OXR1: variants seen among roughly 807,000 people sequenced by gnomAD.
OXR1 encodes oxidation resistance 1.
A neutral mutation model predicts 104.6 loss-of-function variants in OXR1; 41 were observed. That is an observed-to-expected ratio of 0.39 (90% CI 0.31 to 0.51). The LOEUF is 0.51. OXR1 is among the 20% of genes least tolerant of loss of function. The pLI, the probability that OXR1 is intolerant of heterozygous loss-of-function variation, is 0.77. For synonymous variants in OXR1, 348 were observed against 348.4 expected, an observed-to-expected ratio of 1.00 and a Z score of 0.01; for missense variants, 955 against 1,031.9, an observed-to-expected ratio of 0.93 and a Z score of 1.02.
At chr8:106,529,601 A>G (rs1446929396) in intron 3 of OXR1, among the ~76,000 whole-genome samples, 1 of 152,152 alleles carries the variant, frequency 6.6e-6, no homozygotes, top group Non-Finnish European at 1.5e-5. Flanking sequence ...TAGCATTAGT[A>G]CCTTATTTTA....
intron 3 of OXR1, among the ~76,000 whole-genome samples, chr8:106,591,077 C>A (rs1819040548): frequency 6.6e-6 from 1 of 151,528 alleles, no homozygotes; most frequent in Non-Finnish European, 1.5e-5. Flanking sequence ...GAAAATGTGG[C>A]ACATTTACAC....
chr8:106,403,201 A>G (rs1818074329), intron 2 of OXR1, among the ~76,000 whole-genome samples: 1 of 152,234 alleles, frequency 6.6e-6, no homozygotes, highest in African/African-American at 2.4e-5. Context: ...GCTTATACCA[A>G]TGAAGTAAGA....
At chr8:106,328,784 A>G (rs1287952881) in intron 1 of OXR1, among the ~76,000 whole-genome samples, 1 of 152,238 alleles carries the variant, frequency 6.6e-6, no homozygotes, top group Non-Finnish European at 1.5e-5. Context: ...AATGAGTCTC[A>G]GAGATACATC....
chr8:106,367,336 T>G (rs1426106141), intron 2 of OXR1, among the ~76,000 whole-genome samples: 1 of 152,104 alleles, frequency 6.6e-6, no homozygotes, highest in Non-Finnish European at 1.5e-5. Context: ...GTGCTGGGAT[T>G]ACAGACATGA....
intron 1 of OXR1, among the ~76,000 whole-genome samples, chr8:106,325,247 C>T (rs1028358229): frequency 2.6e-5 from 4 of 152,158 alleles, no homozygotes; most frequent in Non-Finnish European, 2.9e-5. Context: ...ATTCTGCTAA[C>T]AGTATAAAGA....
chr8:106,554,636 C>T (rs546568608), intron 3 of OXR1, among the ~76,000 whole-genome samples: 42 of 152,112 alleles, frequency 2.8e-4, no homozygotes, highest in Non-Finnish European at 5.0e-4. Context: ...CTGTAATCTA[C>T]AATTATTTTT....
chr8:106,312,889 C>T (rs1349364985), intron 1 of OXR1, among the ~76,000 whole-genome samples: 1 of 152,146 alleles, frequency 6.6e-6, no homozygotes, highest in Non-Finnish European at 1.5e-5. Context: ...TCCAGTGTTT[C>T]ATCTGGGTAG....
chr8:106,479,636 G>A (rs1166961769), intron 2 of OXR1, among the ~76,000 whole-genome samples: 1 of 151,980 alleles, frequency 6.6e-6, no homozygotes, highest in African/African-American at 2.4e-5. Context: ...AATACAATTT[G>A]AGGTATTTAT....
intron 11 of OXR1, among the ~76,000 whole-genome samples, chr8:106,736,173 C>CCT (rs1834354810): frequency 1.4e-5 from 2 of 140,482 alleles, no homozygotes; most frequent in South Asian, 2.2e-4. Flanking sequence ...ACACCCCCCC[C>CCT]CATCCGCCCC....
At chr8:106,614,521 C>T (rs1821050501) in intron 3 of OXR1, among the ~76,000 whole-genome samples, 1 of 152,104 alleles carries the variant, frequency 6.6e-6, no homozygotes, top group South Asian at 2.1e-4. Context: ...AGCCCACATC[C>T]CAAAAGTGGT....
intron 2 of OXR1, among the ~76,000 whole-genome samples, chr8:106,459,347 C>T (rs185272565): frequency 6.6e-6 from 1 of 152,126 alleles, no homozygotes; most frequent in East Asian, 1.9e-4. Flanking sequence ...TGCCTTCTGC[C>T]GTGGTATGAC....
intron 11 of OXR1, among the ~76,000 whole-genome samples, chr8:106,721,710 A>G (rs1050367239): frequency 1.3e-5 from 2 of 152,252 alleles, no homozygotes; most frequent in African/African-American, 4.8e-5. Flanking sequence ...CCTCTATACT[A>G]TTATTCAAAA....
chr8:106,535,188 C>T (rs373790168), intron 3 of OXR1, among the ~76,000 whole-genome samples: 46 of 152,208 alleles, frequency 3.0e-4, no homozygotes, highest in African/African-American at 1.1e-3. Context: ...TGGTCTCGAT[C>T]TCCTGACCTC....
chr8:106,707,187 A>T lies in OXR1; in HGVS notation c.1624+42A>T, dbSNP rs773633406. On this transcript the variant is annotated intron_variant, in intron 9 of 16. Coordinates refer to ENST00000517566, the MANE Select transcript of OXR1 (RefSeq NM_001198533.2). ...AAATGAAGTTAGTTCATCCAATTGT[A>T]TGGTGTCTCCGTCTTTCCTCACTGA... 5.1e-6 allele frequency: 8 copies of T among 1,575,504 alleles called. No homozygotes were observed. The Admixed American group carries it at 1.3e-4, about 26-fold the overall frequency.
rs186590843 is a variant in OXR1 at position 106,493,432 on chromosome 8, C to T, written c.24-25511C>T. Among the ~76,000 whole-genome samples, 381 of 152,204 alleles carry T rather than the reference C, an allele frequency of 2.5e-3. 3 individuals are homozygous for T. The highest frequency in any genetic ancestry group is 8.7e-3 in the African/African-American group (363 of 41,540). ...ATAGCCAAGACCATGGTCTATGGAC[C>T]ATCTGAAACCAGACGGGCCTGGGAG... On this transcript the variant is annotated intron_variant, in intron 2 of 16. Coordinates refer to ENST00000517566, the MANE Select transcript of OXR1 (RefSeq NM_001198533.2).
chr8:106,338,374 T>A (rs537137950), intron 1 of OXR1, among the ~76,000 whole-genome samples: 2 of 151,792 alleles, frequency 1.3e-5, no homozygotes, highest in Non-Finnish European at 2.9e-5. Flanking sequence ...TCAGAGGTGA[T>A]CAACATGGTG....
intron 15 of OXR1, 116 bp downstream of exon 15, chr8:106,742,433 A>G: frequency 3.3e-6 from 2 of 606,742 alleles, no homozygotes; most frequent in Non-Finnish European, 5.7e-6. Flanking sequence ...TCTTCACAGA[A>G]TTAGGAAAAA....
intron 1 of OXR1, among the ~76,000 whole-genome samples, chr8:106,275,516 A>G (rs529241209): frequency 2.6e-5 from 4 of 152,260 alleles, no homozygotes; most frequent in African/African-American, 7.2e-5. Context: ...CTGTGTCACT[A>G]TTTTGGGGGG....
chr8:106,334,939 C>T (rs1814894921), intron 1 of OXR1, among the ~76,000 whole-genome samples: 4 of 152,100 alleles, frequency 2.6e-5, no homozygotes, highest in Admixed American at 2.0e-4. Context: ...AACTCCTTGG[C>T]TGCCATCTCA....
Sources: gnomAD v4.1 joint callset for allele counts (sites outside exome capture counted in the v4.1 genomes callset) on GRCh38, gnomAD v4.1.1 for gene constraint, MANE v1.5 for transcripts, NCBI Gene and HGNC (gene_info 2026-07-23, HGNC 2026-07-21) for gene names.